The following ASIC2 variants were observed in gnomAD, a reference collection of about 807,000 sequenced individuals.
ASIC2 encodes acid-sensing ion channel 2.
A neutral mutation model predicts 57.3 loss-of-function variants in ASIC2; 25 were observed. That is an observed-to-expected ratio of 0.44 (90% CI 0.32 to 0.61). ASIC2 has a LOEUF of 0.61. Among genes scored for constraint, ASIC2 ranks in the 20% least tolerant of loss-of-function variants. ASIC2 has a pLI of 0.06. For missense variants in ASIC2, 641 were observed against 738.1 expected (o/e 0.87, Z 1.52); for synonymous variants, 319 against 307.5 (o/e 1.04, Z -0.39).
intron 1 of ASIC2, chr17:34,118,267 G>A (rs2142116627): frequency 6.6e-6 from 1 of 152,324 alleles, no homozygotes; most frequent in Middle Eastern, 3.4e-3. Flanking sequence ...GAATCAATGA[G>A]TTAATGTATG....
intron 1 of ASIC2, among the ~76,000 whole-genome samples, chr17:33,329,393 G>A (rs576395099): frequency 6.6e-6 from 1 of 152,272 alleles, no homozygotes; most frequent in South Asian, 2.1e-4. Flanking sequence ...AATTCTGTTG[G>A]GTTAATGAGG....
At chr17:33,059,624 G>A (rs1213555222) in intron 3 of ASIC2, among the ~76,000 whole-genome samples, 1 of 152,166 alleles carries the variant, frequency 6.6e-6, no homozygotes, top group Admixed American at 6.5e-5. Context: ...AAACATACGT[G>A]TGCATGTGTC....
At chr17:33,537,651 G>T (rs1204253309) in intron 1 of ASIC2, among the ~76,000 whole-genome samples, 3 of 152,200 alleles carry the variant, frequency 2.0e-5, no homozygotes, top group African/African-American at 7.2e-5. Context: ...CAGATGCTCA[G>T]ATCATAATGT....
intron 1 of ASIC2, among the ~76,000 whole-genome samples, chr17:33,580,831 G>T (rs902151273): frequency 2.8e-4 from 42 of 152,124 alleles, no homozygotes; most frequent in African/African-American, 9.4e-4. Context: ...TGGCTTAAAG[G>T]CCTATGGGAT....
chr17:33,139,785 G>A (rs1274831177), intron 1 of ASIC2, among the ~76,000 whole-genome samples: 6 of 152,098 alleles, frequency 3.9e-5, no homozygotes, highest in East Asian at 3.9e-4. Context: ...TTCTTTCCCC[G>A]GAGAGACAAG....
intron 1 of ASIC2, among the ~76,000 whole-genome samples, chr17:33,741,798 C>T (rs1910120539): frequency 6.6e-6 from 1 of 152,226 alleles, no homozygotes; most frequent in South Asian, 2.1e-4. Context: ...GGCATTGATT[C>T]TTGCTGACAT....
At chr17:33,989,914 G>A (rs1905949334) in intron 1 of ASIC2, among the ~76,000 whole-genome samples, 1 of 152,196 alleles carries the variant, frequency 6.6e-6, no homozygotes, top group Non-Finnish European at 1.5e-5. Context: ...GTCTAGGGTT[G>A]CAGCAGTGGG....
At chr17:33,410,035 T>A (rs1268763410) in intron 1 of ASIC2, among the ~76,000 whole-genome samples, 2 of 152,164 alleles carry the variant, frequency 1.3e-5, no homozygotes, top group African/African-American at 4.8e-5. Flanking sequence ...AGACTTACAG[T>A]TCACACCATT....
chr17:33,947,512 T>C (rs996189556), intron 1 of ASIC2, among the ~76,000 whole-genome samples: 4 of 152,210 alleles, frequency 2.6e-5, no homozygotes, highest in African/African-American at 9.7e-5. Flanking sequence ...TAGTCATATT[T>C]GAGCTGGGTT....
intron 4 of ASIC2, 85 bp from the exon 5 acceptor site, chr17:33,026,067 G>T: frequency 6.7e-7 from 1 of 1,491,024 alleles, no homozygotes; most frequent in African/African-American, 1.4e-5. Flanking sequence ...CTTAGGGAAA[G>T]GGGTGCCTCC....
chr17:33,345,983 G>A (rs1032007535), intron 1 of ASIC2, among the ~76,000 whole-genome samples: 6 of 152,012 alleles, frequency 3.9e-5, no homozygotes, highest in African/African-American at 1.4e-4. Flanking sequence ...TCCCAGCACT[G>A]TGTGAGGCCA....
intron 3 of ASIC2, among the ~76,000 whole-genome samples, chr17:33,075,526 T>C (rs1220843893): frequency 2.0e-5 from 3 of 152,154 alleles, no homozygotes; most frequent in African/African-American, 4.8e-5. Flanking sequence ...CAGTCTTCAT[T>C]ATCACCCTTT....
chr17:33,277,664 G>A (rs937935530), intron 1 of ASIC2, among the ~76,000 whole-genome samples: 2 of 152,164 alleles, frequency 1.3e-5, no homozygotes, highest in Non-Finnish European at 2.9e-5. Flanking sequence ...GGAATGTGGT[G>A]CTAATTACCC....
At chr17:33,426,627 G>A (rs546386683) in intron 1 of ASIC2, among the ~76,000 whole-genome samples, 5 of 152,340 alleles carry the variant, frequency 3.3e-5, no homozygotes, top group African/African-American at 1.2e-4. Flanking sequence ...TACCTGGACA[G>A]GCAGCCTTGA....
intron 1 of ASIC2, among the ~76,000 whole-genome samples, chr17:33,579,452 T>G (rs1916805701): frequency 6.6e-6 from 1 of 152,164 alleles, no homozygotes; most frequent in South Asian, 2.1e-4. Context: ...GGGGTACCCA[T>G]CCAGTTTATT....
chr17:33,588,310 G>T (rs572870773), intron 1 of ASIC2, among the ~76,000 whole-genome samples: 2 of 152,174 alleles, frequency 1.3e-5, no homozygotes, highest in South Asian at 2.1e-4. Flanking sequence ...GTTCTTGTTT[G>T]TCTGTTGCTC....
chr17:33,579,693 G>A (rs1005515196), intron 1 of ASIC2, among the ~76,000 whole-genome samples: 8 of 152,190 alleles, frequency 5.3e-5, no homozygotes, highest in African/African-American at 7.2e-5. Flanking sequence ...TGAAGCTACA[G>A]ACCTTCGCAG....
intron 1 of ASIC2, among the ~76,000 whole-genome samples, chr17:33,256,244 G>C (rs1267937918): frequency 6.6e-6 from 1 of 152,034 alleles, no homozygotes; most frequent in African/African-American, 2.4e-5. Context: ...GCTTGTTACA[G>C]AGCAATGAAA....
intron 1 of ASIC2, among the ~76,000 whole-genome samples, chr17:33,504,427 C>G (rs1426010549): frequency 1.3e-5 from 2 of 152,226 alleles, no homozygotes; most frequent in African/African-American, 4.8e-5. Context: ...CAACCTCCAC[C>G]TCCCAGGTCC....
Sources: allele counts gnomAD v4.1 joint callset (sites outside exome capture counted in the v4.1 genomes callset), GRCh38; gene constraint gnomAD v4.1.1; transcripts MANE v1.5; gene names NCBI Gene and HGNC (gene_info 2026-07-23, HGNC 2026-07-21).